The following CELSR2 variants were observed in gnomAD, a reference collection of about 807,000 sequenced individuals.
CELSR2 encodes cadherin EGF LAG seven-pass G-type receptor 2.
Under a neutral mutation model 251.6 loss-of-function variants are expected in CELSR2, and 81 were observed. The ratio of observed to expected loss-of-function variants is 0.32; its 90% CI spans 0.27 to 0.39. The LOEUF (loss-of-function observed/expected upper bound fraction) is 0.39, where lower values mean the gene tolerates loss of function less well. Ranked by LOEUF, CELSR2 falls within the 10% of genes least tolerant of loss-of-function variation. CELSR2 has a pLI of 1.00. For synonymous variants in CELSR2, 1,721 were observed against 1,670.5 expected, an observed-to-expected ratio of 1.03 and a Z score of -0.74; for missense variants, 3,365 against 3,947.7, an observed-to-expected ratio of 0.85 and a Z score of 3.96.
rs1221608627 is a variant in CELSR2, at chr1:109,253,191, T to C, written c.3112T>C (p.Ser1038Pro). The C allele has an allele frequency of 6.2e-7, 1 of 1,613,600 alleles. No homozygotes were observed. Among genetic ancestry groups the C allele is most frequent in the Non-Finnish European group, 8.5e-7 (1 of 1,180,040 alleles). The change falls in exon 1 of 34, where the codon TCA (serine) becomes CCA (proline). Residue 1038 changes from serine to proline, a missense_variant. Physicochemically the swap from Ser to Pro is moderately conservative, Grantham distance 74. This residue lies in a region of CELSR2 where 505 missense variants were observed against 660.0 expected (regional missense o/e 0.77). Transcript: ENST00000271332. ...TTTCAACAACTATGTCACCAATCGC[T>C]CAAGCAGCTTCCCTGGGGGTGCCAT... ...ILFNNYVTNR[S>P]SSFPGGAIGR...
In CELSR2 at chr1:109,250,768, A is replaced by G; in HGVS notation, c.689A>G (p.Gln230Arg). 6.2e-7 allele frequency: 1 copy of G among 1,614,052 alleles called. No individual in the cohort carries two copies. The highest frequency in any genetic ancestry group is 8.5e-7 in the Non-Finnish European group (1 of 1,180,008). Reference protein sequence around the residue: ...MDALFDSRSNQFFSLDPVTGA... With the variant: ...MDALFDSRSNRFFSLDPVTGA... The stretch of plus-strand genomic sequence containing the variant: ...GCCCTCTTTGATAGCCGCTCCAACC[A>G]GTTCTTCTCCCTGGACCCAGTCACT... The change falls in exon 1 of 34, where the codon CAG (glutamine) becomes CGG (arginine). Residue 230 changes from glutamine (Q) to arginine (R), a missense_variant. This residue lies in a region of CELSR2 where 704 missense variants were observed against 784.1 expected (regional missense o/e 0.90). Coordinates refer to ENST00000271332, the MANE Select transcript of CELSR2 (RefSeq NM_001408.3). The surrounding 1 kb of genome is among the most constrained non-coding windows in gnomAD (Gnocchi z 4.4).
In CELSR2 at chr1:109,273,669, G is replaced by C; in HGVS notation, c.8743G>C (p.Glu2915Gln). The change falls in exon 33 of 34, where the codon GAA (glutamate) becomes CAA (glutamine). Residue 2915 changes from glutamate to glutamine, a missense_variant and splice_region_variant. By Grantham distance (29) the Glu-to-Gln change is conservative. Transcript: ENST00000271332. ...GGTGGATGAGGACTCGTCAGGCTCC[G>C]AGTGAGTGTGGCCGGGTGGGCGGGA... is the stretch of plus-strand genomic sequence containing the variant. ...GTVDEDSSGS[E>Q]FLFFNFLH is the part of the protein sequence containing the mutation. 3 of 1,344,336 alleles carry C rather than the reference G, an allele frequency of 2.2e-6. No homozygotes were observed. Among genetic ancestry groups the C allele is most frequent in the Non-Finnish European group, 3.0e-6 (3 of 996,900 alleles). The allele number at this position is 1,344,336 out of a possible 1,614,324, so 83.3% of individuals were successfully genotyped here.
intron 33 of CELSR2, 78 bp downstream of exon 33, chr1:109,273,748 C>T (rs1656445487): frequency 1.7e-6 from 2 of 1,165,972 alleles, no homozygotes; most frequent in Non-Finnish European, 2.4e-6. Context: ...CTCCGGGCCT[C>T]CCCAGGTGAC....
At position 109,259,485 on chromosome 1, in the gene CELSR2, T is replaced by C. The variant is rs1282584192; in HGVS notation, c.3958+406T>C. Among the ~76,000 whole-genome samples, 3 of 152,306 alleles carry C rather than the reference T, an allele frequency of 2.0e-5. No homozygotes were observed. The East Asian group carries it at 5.8e-4, about 29-fold the overall frequency. ...AGGATTAATGTAATTAATTTGATAC[T>C]TGGAAACAGCTGGTGGCATGGAAGG... On this transcript the variant is annotated intron_variant, in intron 2 of 33. Coordinates refer to ENST00000271332, the MANE Select transcript of CELSR2 (RefSeq NM_001408.3).
chr1:109,273,125 T>C, intron 31 of CELSR2, 41 bp from the exon 32 acceptor site: 1 of 1,602,234 alleles, frequency 6.2e-7, no homozygotes, highest in Non-Finnish European at 8.5e-7. Context: ...CTCCTGGCTA[T>C]CTGCCCTCTG....
intron 9 of CELSR2, 77 bp downstream of exon 9, chr1:109,263,854 C>G: frequency 6.5e-7 from 1 of 1,536,686 alleles, no homozygotes; most frequent in South Asian, 1.2e-5. Flanking sequence ...ACAGAAGTGG[C>G]TGGGCAGGTC....
At position 109,264,271 on chromosome 1, in the gene CELSR2, C is replaced by T; in HGVS notation, c.5195C>T (p.Pro1732Leu). Residue 1732 changes from proline (P) to leucine (L), a missense_variant, in exon 10 of 34, where the codon CCC becomes CTC. Physicochemically the swap from Pro to Leu is moderately conservative, Grantham distance 98. Transcript: ENST00000271332. ...CAGAGAGCAGAGGGCAACCTGGGCC[C>T]CCGGCTGCATGGTCTGCACCTGAGC... ...GQQRAEGNLG[P>L]RLHGLHLSNI... is the part of the protein sequence containing the mutation. The T allele has an allele frequency of 1.9e-6, 3 of 1,613,998 alleles. No individual in the cohort carries two copies. The highest frequency in any genetic ancestry group is 2.5e-6 in the Non-Finnish European group (3 of 1,180,026).
chr1:109,250,478 G>A lies in CELSR2; in HGVS notation c.399G>A (p.Glu133=). The change falls in exon 1 of 34, where the codon GAG becomes GAA. Residue 133 remains glutamate (E), a synonymous_variant. Coordinates refer to ENST00000271332, the MANE Select transcript of CELSR2 (RefSeq NM_001408.3). The surrounding 1 kb of genome is among the most constrained non-coding windows in gnomAD (Gnocchi z 4.4). ...LSPQGKLTLP[E]EHPCLKAPRL... ...CACAGGGCAAGCTCACACTGCCCGA[G>A]GAGCACCCGTGCTTAAAGGCTCCAC... 1 of 1,613,756 alleles carries A rather than the reference G, an allele frequency of 6.2e-7. No individual in the cohort carries two copies. Among genetic ancestry groups the A allele is most frequent in the Non-Finnish European group, 8.5e-7 (1 of 1,180,028 alleles).
At chr1:109,271,062 G>A in intron 25 of CELSR2, 23 bp downstream of exon 25, 1 of 1,587,676 alleles carries the variant, frequency 6.3e-7, no homozygotes, top group Admixed American at 1.7e-5. Flanking sequence ...AGGTGGGTTG[G>A]GTGTCACCTG....
At position 109,249,958 on chromosome 1, in the gene CELSR2, C is replaced by T. The variant is rs1240520792; in HGVS notation, c.-122C>T. On this transcript the variant is annotated 5_prime_UTR_variant, in exon 1 of 34. Coordinates refer to ENST00000271332, the MANE Select transcript of CELSR2 (RefSeq NM_001408.3). ...CCATCCAGACGCAGGCCCCGCGGGG[C>T]GCACGGGAGGCCCCCGGGGACTGGC... 2 of 938,362 alleles carry T rather than the reference C, an allele frequency of 2.1e-6. No individual in the cohort carries two copies. The highest frequency in any genetic ancestry group is 2.7e-6 in the Non-Finnish European group (2 of 741,194). The allele number at this position is 938,362 out of a possible 1,614,324, so 58.1% of individuals were successfully genotyped here.
In CELSR2 at chr1:109,268,817, G is replaced by C. The variant is rs1656280867; in HGVS notation, c.6502+53G>C. ...GGTTTGTGGAGGGAGTCCCCGACAA[G>C]AGCGGCTGTGCTGGGGTCCTGCCTG... is the stretch of plus-strand genomic sequence containing the variant. On this transcript the variant is annotated intron_variant, in intron 18 of 33. Transcript: ENST00000271332. 3 of 1,582,946 alleles carry C rather than the reference G, an allele frequency of 1.9e-6. No homozygotes were observed. In the East Asian group the frequency reaches 6.8e-5, roughly 36 times the overall value.
chr1:109,259,261 AGT>A (rs1655952632), intron 2 of CELSR2, among the ~76,000 whole-genome samples, 182 bp downstream of exon 2: 1 of 152,222 alleles, frequency 6.6e-6, no homozygotes. Context: ...CAGTGCAAGG[AGT>A]GCTTCTCCCT....
At position 109,274,178 on chromosome 1, in the gene CELSR2, T is replaced by C. The variant is rs1656459949; in HGVS notation, c.*129T>C. ...GCCCGCAGCAGCGACGAAACGTCCA[T>C]CTGAGGAGCCTGGGCCTTGCCGGGA... On this transcript the variant is annotated 3_prime_UTR_variant, in exon 34 of 34. Transcript: ENST00000271332. The C allele has an allele frequency of 1.9e-6, 3 of 1,592,348 alleles. No individual in the cohort carries two copies. Among genetic ancestry groups the C allele is most frequent in the Non-Finnish European group, 2.6e-6 (3 of 1,172,412 alleles).
At position 109,250,144 on chromosome 1, in the gene CELSR2, T is replaced by TGCTGCTGCTGCC; in HGVS notation, c.68_79dup (p.Leu23_Pro26dup). On this transcript the variant is annotated inframe_insertion, in exon 1 of 34. Transcript: ENST00000271332. The surrounding 1 kb of genome is among the most constrained non-coding windows in gnomAD (Gnocchi z 4.4). ...CCGCCGCCGCTGCTGCTGCTGTTGC[T>TGCTGCTGCTGCC]GCTGCTGCTGCCGCCGCCACTATTG... 3 of 1,597,394 alleles carry TGCTGCTGCTGCC rather than the reference T, an allele frequency of 1.9e-6. No homozygotes were observed. Among genetic ancestry groups the TGCTGCTGCTGCC allele is most frequent in the South Asian group, 1.1e-5 (1 of 89,916 alleles).
chr1:109,250,730 G>A lies in CELSR2; in HGVS notation c.651G>A (p.Glu217=). ...DPDEGEAGRL[E]YTMDALFDSR... is the part of the protein sequence containing the mutation. ...ACGAGGGTGAGGCAGGTCGACTGGA[G>A]TACACCATGGATGCCCTCTTTGATA... Residue 217 remains glutamate (E), a synonymous_variant, in exon 1 of 34, where the codon GAG becomes GAA. Transcript: ENST00000271332. This position sits in a 1 kb window ranked among gnomAD's most constrained non-coding sequence, Gnocchi z 4.4. The A allele has an allele frequency of 3.1e-6, 5 of 1,614,154 alleles. No individual in the cohort carries two copies. Among genetic ancestry groups the A allele is most frequent in the Non-Finnish European group, 3.4e-6 (4 of 1,180,026 alleles).
chr1:109,252,880 G>A lies in CELSR2; in HGVS notation c.2801G>A (p.Ser934Asn). The A allele has an allele frequency of 6.2e-7, 1 of 1,612,762 alleles. No individual in the cohort carries two copies. The highest frequency in any genetic ancestry group is 8.5e-7 in the Non-Finnish European group (1 of 1,179,240). ...DEFDVFVEEN[S>N]PIGLAVARVT... ...TTTGATGTGTTTGTGGAAGAGAACA[G>A]CCCCATTGGGCTAGCCGTGGCCCGG... Residue 934 changes from serine (S) to asparagine (N), a missense_variant, in exon 1 of 34, where the codon AGC (serine) becomes AAC (asparagine). Coordinates refer to ENST00000271332, the MANE Select transcript of CELSR2 (RefSeq NM_001408.3). The surrounding 1 kb of genome is among the most constrained non-coding windows in gnomAD (Gnocchi z 4.8).
chr1:109,272,655 G>A lies in CELSR2; in HGVS notation c.8070G>A (p.Leu2690=). Residue 2690 remains leucine, a synonymous_variant, in exon 30 of 34, where the codon CTG becomes CTA. Coordinates refer to ENST00000271332, the MANE Select transcript of CELSR2 (RefSeq NM_001408.3). ...ATCTTCCTAGGGAGGAGTCCGCACT[G>A]AACCCTGGCCAAGGGCCCCCTGGCC... ...IPFLLREESA[L]NPGQGPPGLG... 6.2e-7 allele frequency: 1 copy of A among 1,613,562 alleles called. No homozygotes were observed. The highest frequency in any genetic ancestry group is 8.5e-7 in the Non-Finnish European group (1 of 1,179,842).
Position 109,252,783 on chromosome 1 carries a change from C to G in CELSR2, c.2704C>G (p.Arg902Gly). 1 of 1,614,008 alleles carries G rather than the reference C, an allele frequency of 6.2e-7. No homozygotes were observed. ...YAVDKGMPPA[R>G]TPMEVTVTVL... ...AGTGGACAAGGGGATGCCCCCAGCCCGCACACCTATGGAAGTGACAGTCAC... is the reference window on the plus strand; with the variant it reads ...AGTGGACAAGGGGATGCCCCCAGCCGGCACACCTATGGAAGTGACAGTCAC... The change falls in exon 1 of 34, where the codon CGC (arginine) becomes GGC (glycine). Residue 902 changes from arginine to glycine, a missense_variant. Physicochemically the swap from Arg to Gly is moderately radical, Grantham distance 125. This residue lies in a region of CELSR2 where 505 missense variants were observed against 660.0 expected (regional missense o/e 0.77). Coordinates refer to ENST00000271332, the MANE Select transcript of CELSR2 (RefSeq NM_001408.3). This position sits in a 1 kb window ranked among gnomAD's most constrained non-coding sequence, Gnocchi z 4.8.
In CELSR2 at chr1:109,252,037, G is replaced by A. The variant is rs992212441; in HGVS notation, c.1958G>A (p.Arg653Gln). The change falls in exon 1 of 34, where the codon CGA (arginine) becomes CAA (glutamine). Residue 653 changes from arginine (R) to glutamine (Q), a missense_variant. Arg to Gln is a conservative substitution (Grantham distance 43, BLOSUM62 1). Coordinates refer to ENST00000271332, the MANE Select transcript of CELSR2 (RefSeq NM_001408.3). The surrounding 1 kb of genome is among the most constrained non-coding windows in gnomAD (Gnocchi z 4.8). ...TACCAGATCACCAGTGGCAATACTC[G>A]AAACCGCTTCTCCATCACCAGCCAA... ...ITYQITSGNTRNRFSITSQSG... is the reference protein window; with the variant it reads ...ITYQITSGNTQNRFSITSQSG... The A allele has an allele frequency of 3.1e-6, 5 of 1,613,930 alleles. No homozygotes were observed. The highest frequency in any genetic ancestry group is 1.3e-5 in the African/African-American group (1 of 74,896).
Sources: allele counts gnomAD v4.1 joint callset (sites outside exome capture counted in the v4.1 genomes callset), GRCh38; gene constraint gnomAD v4.1.1; regional missense constraint gnomAD v4.1.1; non-coding constraint Gnocchi (gnomAD v3.1); transcripts MANE v1.5; gene names NCBI Gene and HGNC (gene_info 2026-07-23, HGNC 2026-07-21).